The following GCLC variants were observed in gnomAD, a reference collection of about 807,000 sequenced individuals.
GCLC encodes the protein glutamate-cysteine ligase catalytic subunit, also known as glutamate--cysteine ligase catalytic subunit.
GCLC carries 30 observed loss-of-function variants against 81.5 expected under a neutral mutation model. The ratio of observed to expected loss-of-function variants is 0.37; its 90% confidence interval spans 0.28 to 0.50. The LOEUF is 0.50. GCLC is among the 20% of genes least tolerant of loss of function. The pLI, the probability that GCLC is intolerant of heterozygous loss-of-function variation, is 0.96. For synonymous variants in GCLC, 262 were observed against 273.3 expected (o/e 0.96, Z 0.41); for missense variants, 556 against 777.4 (o/e 0.72, Z 3.39).
At chr6:53,537,149 A>G (rs984604665) in intron 1 of GCLC, among the ~76,000 whole-genome samples, 1 of 151,912 alleles carries the variant, frequency 6.6e-6, no homozygotes, top group African/African-American at 2.4e-5. Context: ...ATGACCACAC[A>G]CTCTTTAAGG....
intron 1 of GCLC, among the ~76,000 whole-genome samples, chr6:53,529,087 A>C (rs1301740001): frequency 6.6e-6 from 1 of 152,236 alleles, no homozygotes; most frequent in African/African-American, 2.4e-5. Context: ...TAAAATAAAA[A>C]AATCAGTTTC....
rs1460423378 is a variant in GCLC at position 53,497,798 on chromosome 6, T to C, written c.*958A>G. The C allele has an allele frequency of 6.6e-6, 1 of 152,622 alleles. No individual in the cohort carries two copies. Among genetic ancestry groups the C allele is most frequent in the African/African-American group, 2.4e-5 (1 of 41,450 alleles). The allele number at this position is 152,622 out of a possible 1,614,324, so 9.5% of individuals were successfully genotyped here. A position where few individuals can be genotyped will look rare whatever the true frequency, so the allele number is the denominator to read the frequency against. ...GAGAAAGTAAGCAGTATGTAGAATA[T>C]TCCCCAGGTAAAATCTGGAGTGAAT... On this transcript the variant is annotated 3_prime_UTR_variant, in exon 16 of 16. Coordinates refer to ENST00000650454, the MANE Select transcript of GCLC (RefSeq NM_001498.4).
intron 3 of GCLC, 82 bp from the exon 4 acceptor site, chr6:53,516,304 CAA>C (rs1028066427): frequency 1.2e-6 from 1 of 853,306 alleles, no homozygotes; most frequent in African/African-American, 1.7e-5. Context: ...CTGCACCTGC[CAA>C]AGACACCTCA....
rs1273858708 is a variant in GCLC, at chr6:53,520,890, C to T, written c.334G>A (p.Gly112Arg). Reference protein sequence around the residue: ...IEGTPGQPYGGTMSEFNTVEA... With the variant: ...IEGTPGQPYGRTMSEFNTVEA... ...ACTGTATTGAACTCGGACATTGTTC[C>T]TCCGTAGGGCTGTCCTGGTGTCCCT... The change falls in exon 3 of 16, where the codon GGA becomes AGA. Residue 112 changes from glycine to arginine, a missense_variant. Around this residue, in one of 3 missense-constraint regions of GCLC, gnomAD observed 234 missense variants for 303.8 expected, o/e 0.77. Coordinates refer to ENST00000650454, the MANE Select transcript of GCLC (RefSeq NM_001498.4). The T allele has an allele frequency of 6.2e-7, 1 of 1,613,970 alleles. No homozygotes were observed. Among genetic ancestry groups the T allele is most frequent in the Non-Finnish European group, 8.5e-7 (1 of 1,179,804 alleles).
Position 53,505,487 on chromosome 6 carries a change from T to C in GCLC, c.1300A>G (p.Thr434Ala). The stretch of plus-strand genomic sequence containing the variant: ...ACATAGGCAGAGTTCTCAAAGTCTG[T>C]TAATTGCACCTAGACAAGCAGAAGC... ...VEFRPMEVQLTDFENSAYVVF... is the reference protein window; with the variant it reads ...VEFRPMEVQLADFENSAYVVF... Residue 434 changes from threonine (T) to alanine (A), a missense_variant, in exon 12 of 16, where the codon ACA becomes GCA. Transcript: ENST00000650454. 6.4e-7 allele frequency: 1 copy of C among 1,564,036 alleles called. No homozygotes were observed. The highest frequency in any genetic ancestry group is 2.2e-5 in the East Asian group (1 of 44,556).
chr6:53,507,627 T>G lies in GCLC; in HGVS notation c.946-9A>C, dbSNP rs1199937456. Reference sequence around the variant, plus strand: ...TTATTGTTCTTCAATGGCTAAAGATTAAAAATATATATAAATGAATATGCT... The same window carrying G: ...TTATTGTTCTTCAATGGCTAAAGATGAAAAATATATATAAATGAATATGCT... On this transcript the variant is annotated splice_polypyrimidine_tract_variant and intron_variant, in intron 8 of 15. Coordinates refer to ENST00000650454, the MANE Select transcript of GCLC (RefSeq NM_001498.4). The G allele has an allele frequency of 1.6e-6, 2 of 1,248,926 alleles. No individual in the cohort carries two copies. The highest frequency in any genetic ancestry group is 3.0e-5 in the African/African-American group (2 of 67,276). 77.4% of individuals were successfully genotyped at this position (1,248,926 alleles called of 1,614,324 possible). A position where few individuals can be genotyped will look rare whatever the true frequency, so the allele number is the denominator to read the frequency against.
intron 15 of GCLC, among the ~76,000 whole-genome samples, chr6:53,499,382 G>A (rs568436476): frequency 6.6e-6 from 1 of 152,316 alleles, no homozygotes; most frequent in South Asian, 2.1e-4. Context: ...CAAAGAGGTG[G>A]AGAGAATAAA....
At position 53,516,992 on chromosome 6, in the gene GCLC, G is replaced by A. The variant is rs565762732; in HGVS notation, c.447-770C>T. On this transcript the variant is annotated intron_variant, in intron 3 of 15. Coordinates refer to ENST00000650454, the MANE Select transcript of GCLC (RefSeq NM_001498.4). ...CTGTGAGGGAGGACAAAGACTAAGC[G>A]AAAGCCAAACAAGGGAGGAGTTTTA... 8.1e-4 allele frequency among the ~76,000 whole-genome samples: 122 copies of A among 151,466 alleles called. 2 individuals carry two copies. The highest frequency in any genetic ancestry group is 2.4e-4 in the Non-Finnish European group (16 of 67,940).
At chr6:53,519,619 C>A (rs778883696) in intron 3 of GCLC, among the ~76,000 whole-genome samples, 2 of 152,140 alleles carry the variant, frequency 1.3e-5, no homozygotes, top group Non-Finnish European at 2.9e-5. Context: ...AGCAGGCACT[C>A]AAGTGTCTGA....
intron 3 of GCLC, among the ~76,000 whole-genome samples, chr6:53,518,172 C>T (rs917120466): frequency 1.3e-5 from 2 of 152,064 alleles, no homozygotes; most frequent in Admixed American, 1.3e-4. Flanking sequence ...TTCTAAATTA[C>T]AGGTTTTTAG....
In GCLC at chr6:53,505,127, T is replaced by C. The variant is rs41271285; in HGVS notation, c.1395+265A>G. ...GTTACACTTTCCCTCCCCATCCTAA[T>C]TTAACATTGTAATCAACCTGGGATT... On this transcript the variant is annotated intron_variant, in intron 12 of 15. Transcript: ENST00000650454. 3,329 of 426,134 alleles carry C rather than the reference T, an allele frequency of 7.8e-3. 23 individuals carry two copies. The highest frequency in any genetic ancestry group is 0.013 in the Middle Eastern group (19 of 1,442). The allele number at this position is 426,134 out of a possible 1,614,324, so 26.4% of individuals were successfully genotyped here.
At chr6:53,536,080 T>C (rs1268241493) in intron 1 of GCLC, among the ~76,000 whole-genome samples, 1 of 152,194 alleles carries the variant, frequency 6.6e-6, no homozygotes, top group Non-Finnish European at 1.5e-5. Context: ...AACCATGGAA[T>C]GAAATATTAC....
chr6:53,544,820 G>GC lies in GCLC; in HGVS notation c.-176dup. 1.9e-6 allele frequency: 1 copy of GC among 515,820 alleles called. No homozygotes were observed. The highest frequency in any genetic ancestry group is 3.2e-6 in the Non-Finnish European group (1 of 312,572). The allele number at this position is 515,820 out of a possible 1,614,324, so 32.0% of individuals were successfully genotyped here. A position where few individuals can be genotyped will look rare whatever the true frequency, so the allele number is the denominator to read the frequency against. ...TGCCCGCTCCGGCTCCCCGGCGGCG[G>GC]CCCCTGGCGCCCAGGTGACAGACCC... On this transcript the variant is annotated 5_prime_UTR_variant, in exon 1 of 16. Transcript: ENST00000650454.
chr6:53,498,674 TC>T lies in GCLC; in HGVS notation c.*81del, dbSNP rs1351888186. 2.5e-5 allele frequency: 22 copies of T among 875,998 alleles called. No individual in the cohort carries two copies. The highest frequency in any genetic ancestry group is 1.8e-4 in the Admixed American group (10 of 54,560). 54.3% of individuals were successfully genotyped at this position (875,998 alleles called of 1,614,324 possible). A position where few individuals can be genotyped will look rare whatever the true frequency, so the allele number is the denominator to read the frequency against. On this transcript the variant is annotated 3_prime_UTR_variant, in exon 16 of 16. Transcript: ENST00000650454. ...ACAGTACAGTTCTATCATTTGGTCT[TC>T]ATATTATACACACGGGCTGGCTGAG...
intron 2 of GCLC, 97 bp downstream of exon 2, chr6:53,522,318 C>T: frequency 1.3e-6 from 1 of 779,422 alleles, no homozygotes; most frequent in Non-Finnish European, 2.3e-6. Flanking sequence ...GTACTCTTAA[C>T]TGTTAGGCTA....
Position 53,505,426 on chromosome 6 carries a change from G to A in GCLC, c.1361C>T (p.Ser454Phe). ...FVVLLTRVIL[S>F]YKLDFLIPLS... is the part of the protein sequence containing the mutation. Reference sequence around the variant, plus strand: ...TGGAATGAGAAAATCCAATTTGTAGGAAAGGATCACTCTGGTGAGCAGTAC... The same window carrying A: ...TGGAATGAGAAAATCCAATTTGTAGAAAAGGATCACTCTGGTGAGCAGTAC... Residue 454 changes from serine to phenylalanine, a missense_variant, in exon 12 of 16, where the codon TCC becomes TTC. Coordinates refer to ENST00000650454, the MANE Select transcript of GCLC (RefSeq NM_001498.4). 1 of 1,601,652 alleles carries A rather than the reference G, an allele frequency of 6.2e-7. No homozygotes were observed. Among genetic ancestry groups the A allele is most frequent in the Non-Finnish European group, 8.6e-7 (1 of 1,168,854 alleles).
At chr6:53,526,797 CAAAA>C (rs58177984) in intron 1 of GCLC, among the ~76,000 whole-genome samples, 8 of 107,430 alleles carry the variant, frequency 7.4e-5, no homozygotes, top group Admixed American at 1.8e-4. Flanking sequence ...GACTCCGCCT[CAAAA>C]AAAAAAAAAA....
intron 4 of GCLC, among the ~76,000 whole-genome samples, chr6:53,515,853 C>T (rs1022607312): frequency 3.3e-5 from 5 of 152,028 alleles, no homozygotes; most frequent in African/African-American, 7.2e-5. Flanking sequence ...AAGAGTTATT[C>T]GCAGTGGCTC....
In GCLC at chr6:53,516,223, C is replaced by G; in HGVS notation, c.447-1G>C. ...CAGTGTGAACCCAGGACAGCCTAAT[C>G]TACAACAAATTGAAGAACTAAATAG... On this transcript the variant is annotated splice_acceptor_variant, in intron 3 of 15. Transcript: ENST00000650454. LOFTEE classifies it high-confidence loss of function. 6.3e-7 allele frequency: 1 copy of G among 1,580,578 alleles called. No individual in the cohort carries two copies. Among genetic ancestry groups the G allele is most frequent in the Non-Finnish European group, 8.7e-7 (1 of 1,149,494 alleles).
Sources: gnomAD v4.1 joint callset for allele counts (sites outside exome capture counted in the v4.1 genomes callset) on GRCh38, gnomAD v4.1.1 for gene constraint, gnomAD v4.1.1 regional missense constraint, MANE v1.5 for transcripts, NCBI Gene and HGNC (gene_info 2026-07-23, HGNC 2026-07-21) for gene names.